The following TENM2 variants were observed in gnomAD, a reference collection of about 807,000 sequenced individuals.
TENM2 encodes the protein teneurin transmembrane protein 2, also known as teneurin-2.
Under a neutral mutation model 245.2 loss-of-function variants are expected in TENM2, and 52 were observed. The ratio of observed to expected loss-of-function variants is 0.21; its 90% CI spans 0.17 to 0.27. The LOEUF (loss-of-function observed/expected upper bound fraction) is 0.27. TENM2 is among the 10% of genes least tolerant of loss of function. TENM2 has a pLI of 1.00. For missense variants in TENM2, 3,046 were observed against 3,666.8 expected (o/e 0.83, Z 4.37); for synonymous variants, 1,363 against 1,438.9 (o/e 0.95, Z 1.19).
intron 2 of TENM2, among the ~76,000 whole-genome samples, chr5:167,852,223 C>A (rs1490138810): frequency 6.6e-6 from 1 of 152,164 alleles, no homozygotes; most frequent in Non-Finnish European, 1.5e-5. Context: ...CTAATAAAAG[C>A]ACAATTGAAC....
At chr5:167,730,452 C>T (rs1760342789) in intron 2 of TENM2, among the ~76,000 whole-genome samples, 1 of 152,148 alleles carries the variant, frequency 6.6e-6, no homozygotes, top group African/African-American at 2.4e-5. Context: ...TGGTGTCATC[C>T]AGCATTTGAA....
intron 12 of TENM2, among the ~76,000 whole-genome samples, chr5:168,143,296 T>TG (rs1755722268): frequency 6.6e-6 from 1 of 151,832 alleles, no homozygotes; most frequent in Admixed American, 6.6e-5. Context: ...ACATTTATTT[T>TG]GGGGGGTTCA....
At chr5:167,021,074 G>A in the TENM2 span, among the ~76,000 whole-genome samples, 2 of 152,158 alleles carry the variant, frequency 1.3e-5, no homozygotes, top group Non-Finnish European at 2.9e-5. Context: ...AACCCAGGAG[G>A]GGGAGGTTGC....
chr5:167,385,895 T>TGC, intron 2 of TENM2, among the ~76,000 whole-genome samples: 1 of 149,634 alleles, frequency 6.7e-6, no homozygotes, highest in Non-Finnish European at 1.5e-5. Flanking sequence ...TGTGTGTGTG[T>TGC]GTGTGTTACA....
At chr5:168,013,603 C>CAACAA (rs10632619) in intron 5 of TENM2, among the ~76,000 whole-genome samples, 81,349 of 149,830 alleles carry the variant, frequency 0.54, 23,031 homozygotes, top group Non-Finnish European at 0.62. Context: ...GACTCTGTCT[C>CAACAA]AACAAAACAA....
chr5:168,044,692 C>A (rs891101472), intron 5 of TENM2, among the ~76,000 whole-genome samples: 1 of 152,006 alleles, frequency 6.6e-6, no homozygotes, highest in Non-Finnish European at 1.5e-5. Context: ...ATTATTCTAC[C>A]TGTACAGGGA....
intron 4 of TENM2, among the ~76,000 whole-genome samples, chr5:167,982,763 G>T (rs1450288787): frequency 6.6e-6 from 1 of 152,212 alleles, no homozygotes; most frequent in East Asian, 1.9e-4. Flanking sequence ...AAGAGGGAAG[G>T]GTACCAGAAA....
intron 2 of TENM2, among the ~76,000 whole-genome samples, chr5:167,788,583 C>CAA (rs534716564): frequency 3.3e-4 from 51 of 152,260 alleles, no homozygotes; most frequent in African/African-American, 1.2e-3. Flanking sequence ...CTCTGAGAGT[C>CAA]AAAGAGGTAA....
intron 13 of TENM2, among the ~76,000 whole-genome samples, chr5:168,189,820 TTGG>T (rs1760789182): frequency 6.6e-6 from 1 of 152,120 alleles, no homozygotes. Context: ...GTTGCCCAGG[TTGG>T]TCTCGAATTC....
the TENM2 span, among the ~76,000 whole-genome samples, chr5:167,138,469 T>C: frequency 6.6e-6 from 1 of 152,244 alleles, no homozygotes; most frequent in African/African-American, 2.4e-5. Context: ...TTTGAAATAG[T>C]AGTAGACTAA....
At position 167,593,101 on chromosome 5, in the gene TENM2, G is replaced by A. The variant is rs781013969; in HGVS notation, c.502+217628G>A. On this transcript the variant is annotated intron_variant, in intron 2 of 28. Transcript: ENST00000518659. The stretch of plus-strand genomic sequence containing the variant: ...TTATTCCTTAAGTAAGATTTATCAA[G>A]TGCTCTCACTTTGCATGGTCCTGCC... Among the ~76,000 whole-genome samples, 82 of 152,214 alleles carry A rather than the reference G, an allele frequency of 5.4e-4. 2 individuals are homozygous for A. The highest frequency in any genetic ancestry group is 3.1e-3 in the Admixed American group (48 of 15,280).
chr5:167,077,693 A>G, the TENM2 span, among the ~76,000 whole-genome samples: 1 of 152,224 alleles, frequency 6.6e-6, no homozygotes, highest in African/African-American at 2.4e-5. Context: ...ATGTTTGTCA[A>G]CTACCATTGG....
At chr5:167,841,591 C>G (rs896911844) in intron 2 of TENM2, among the ~76,000 whole-genome samples, 1 of 152,190 alleles carries the variant, frequency 6.6e-6, no homozygotes, top group Admixed American at 6.5e-5. Context: ...CTCCAGACAA[C>G]TCAGTGTGTC....
intron 2 of TENM2, among the ~76,000 whole-genome samples, chr5:167,435,467 C>G (rs933311749): frequency 1.7e-4 from 26 of 152,212 alleles, no homozygotes; most frequent in African/African-American, 6.3e-4. Flanking sequence ...CACCTTCTGC[C>G]ATGATTGTGA....
At chr5:167,756,224 A>G (rs1321701642) in intron 2 of TENM2, among the ~76,000 whole-genome samples, 3 of 151,640 alleles carry the variant, frequency 2.0e-5, no homozygotes, top group South Asian at 4.2e-4. Flanking sequence ...GTTGTATGAT[A>G]TATATATATA....
intron 3 of TENM2, among the ~76,000 whole-genome samples, chr5:167,920,220 G>C (rs567364908): frequency 4.0e-5 from 6 of 151,716 alleles, no homozygotes; most frequent in Admixed American, 2.0e-4. Context: ...GGCCAGGCGC[G>C]GTGGCTCACA....
chr5:167,736,588 C>T (rs1034012933), intron 2 of TENM2, among the ~76,000 whole-genome samples: 7 of 150,608 alleles, frequency 4.6e-5, no homozygotes, highest in East Asian at 2.0e-4. Context: ...TGTAAGACAA[C>T]GATGTCAAGC....
At chr5:167,322,302 C>A (rs1756808986) in intron 1 of TENM2, among the ~76,000 whole-genome samples, 1 of 151,612 alleles carries the variant, frequency 6.6e-6, no homozygotes, top group African/African-American at 2.4e-5. Flanking sequence ...CACAGTGAGT[C>A]ATATCTCAGG....
rs1794978218 is a variant in TENM2, at chr5:168,115,356, G to GA, written c.1814-2934dup. On this transcript the variant is annotated intron_variant, in intron 9 of 28. Coordinates refer to ENST00000518659, the Ensembl canonical transcript of TENM2. ...AAGGGAAGGAAGGAAAGGAGGGAAG[G>GA]AAGGGAAGGAAGGAAGGAAGGAAGG... Among the ~76,000 whole-genome samples, 3 of 107,758 alleles carry GA rather than the reference G, an allele frequency of 2.8e-5. No individual in the cohort carries two copies. The Admixed American group carries it at 3.0e-4, about 11-fold the overall frequency. 70.7% of individuals were successfully genotyped at this position (107,758 alleles called of 152,430 possible).
Sources: gnomAD v4.1 joint callset for allele counts (sites outside exome capture counted in the v4.1 genomes callset) on GRCh38, gnomAD v4.1.1 for gene constraint, MANE v1.5 for transcripts, NCBI Gene and HGNC (gene_info 2026-07-23, HGNC 2026-07-21) for gene names.